Variants in CDC20B observed in about 807,000 individuals in gnomAD.
CDC20B encodes the protein cell division cycle 20B, also known as cell division cycle protein 20 homolog B.
CDC20B carries 58 observed loss-of-function variants against 64.1 expected under a neutral mutation model. The ratio of observed to expected loss-of-function variants is 0.90; its 90% CI spans 0.73 to 1.13. CDC20B has a LOEUF of 1.13. CDC20B is among the 50% of genes most tolerant of loss of function. The pLI is 0.00. For missense variants in CDC20B, 597 were observed against 633.0 expected (o/e 0.94, Z 0.61); for synonymous variants, 243 against 230.6 (o/e 1.05, Z -0.49).
chr5:55,157,847 T>C (rs943093009), intron 2 of CDC20B, among the ~76,000 whole-genome samples: 1 of 152,214 alleles, frequency 6.6e-6, no homozygotes, highest in Non-Finnish European at 1.5e-5. Flanking sequence ...CTGCCAAAGA[T>C]AAATCACTCT....
chr5:55,118,532 C>A (rs979511496), intron 11 of CDC20B, among the ~76,000 whole-genome samples: 5 of 152,142 alleles, frequency 3.3e-5, no homozygotes, highest in Non-Finnish European at 7.4e-5. Context: ...CTATCACATG[C>A]CCCCACCTAG....
intron 2 of CDC20B, among the ~76,000 whole-genome samples, chr5:55,163,379 AT>A (rs1744194662): frequency 6.6e-6 from 1 of 152,048 alleles, no homozygotes; most frequent in African/African-American, 2.4e-5. Context: ...GCTTTTCAAA[AT>A]AAGGTGATTA....
chr5:55,117,984 T>C (rs985654321), intron 11 of CDC20B, among the ~76,000 whole-genome samples: 2 of 151,996 alleles, frequency 1.3e-5, no homozygotes, highest in African/African-American at 4.8e-5. Flanking sequence ...CCAGGCGTGG[T>C]AGTTGGCGCC....
intron 2 of CDC20B, among the ~76,000 whole-genome samples, chr5:55,151,692 A>G (rs890646203): frequency 6.6e-6 from 1 of 152,010 alleles, no homozygotes; most frequent in African/African-American, 2.4e-5. Context: ...TCCACCCCAA[A>G]TGTTTCCCAC....
In CDC20B at chr5:55,133,403, A is replaced by G. The variant is rs763275737; in HGVS notation, c.697+9T>C. Reference sequence around the variant, plus strand: ...CAACTTTTAATTCCCAATCTAAATGATAACTTACAGTAGTCATTTCGAAGA... The same window carrying G: ...CAACTTTTAATTCCCAATCTAAATGGTAACTTACAGTAGTCATTTCGAAGA... On this transcript the variant is annotated intron_variant, in intron 6 of 11. Coordinates refer to ENST00000381375, the MANE Select transcript of CDC20B (RefSeq NM_001170402.1). The G allele has an allele frequency of 6.1e-5, 84 of 1,387,850 alleles. No homozygotes were observed. Among genetic ancestry groups the G allele is most frequent in the Non-Finnish European group, 7.8e-5 (78 of 1,000,972 alleles). 86.0% of individuals were successfully genotyped at this position (1,387,850 alleles called of 1,614,324 possible). A position where few individuals can be genotyped will look rare whatever the true frequency, so the allele number is the denominator to read the frequency against.
intron 5 of CDC20B, among the ~76,000 whole-genome samples, chr5:55,139,632 A>C (rs893301020): frequency 3.3e-5 from 5 of 152,228 alleles, no homozygotes; most frequent in African/African-American, 1.2e-4. Flanking sequence ...CTTGATAGTG[A>C]ATAATAGTTG....
intron 2 of CDC20B, chr5:55,160,200 C>G (rs1743960018): frequency 6.2e-7 from 1 of 1,613,564 alleles, no homozygotes; most frequent in Admixed American, 1.7e-5. Flanking sequence ...AACATGGAGC[C>G]TCTTGCAGCT....
At chr5:55,130,302 G>A (rs1480193764) in intron 6 of CDC20B, among the ~76,000 whole-genome samples, 1 of 152,152 alleles carries the variant, frequency 6.6e-6, no homozygotes, top group Admixed American at 6.5e-5. Context: ...GAGTAAACTT[G>A]AATATAGATA....
chr5:55,118,884 G>C (rs1742687694), intron 11 of CDC20B, among the ~76,000 whole-genome samples: 1 of 152,170 alleles, frequency 6.6e-6, no homozygotes, highest in African/African-American at 2.4e-5. Flanking sequence ...TCTCCAAAGA[G>C]AGTCATGGTA....
At chr5:55,150,828 T>C (rs1323385360) in intron 2 of CDC20B, among the ~76,000 whole-genome samples, 1 of 152,082 alleles carries the variant, frequency 6.6e-6, no homozygotes, top group Non-Finnish European at 1.5e-5. Flanking sequence ...CACCGCAGTC[T>C]CGACCTCCCA....
intron 5 of CDC20B, chr5:55,135,656 T>C (rs190513868): frequency 6.6e-6 from 1 of 152,056 alleles, no homozygotes. Context: ...TAGAAGCTTG[T>C]CCAATCTGCA....
At chr5:55,122,876 A>G (rs1258162142) in intron 9 of CDC20B, among the ~76,000 whole-genome samples, 2 of 152,188 alleles carry the variant, frequency 1.3e-5, no homozygotes, top group East Asian at 1.9e-4. Context: ...TCTGACTGCA[A>G]CCTCATGAGT....
intron 5 of CDC20B, among the ~76,000 whole-genome samples, chr5:55,139,516 G>C (rs1743271481): frequency 6.6e-6 from 1 of 151,978 alleles, no homozygotes; most frequent in Non-Finnish European, 1.5e-5. Flanking sequence ...AGCATTTAGA[G>C]GAAATATTAA....
chr5:55,118,451 C>G, intron 11 of CDC20B, among the ~76,000 whole-genome samples: 1 of 152,126 alleles, frequency 6.6e-6, no homozygotes, highest in Middle Eastern at 3.2e-3. Context: ...TTGTGAGGAC[C>G]AGAGAAACAA....
intron 8 of CDC20B, 95 bp downstream of exon 8, chr5:55,127,162 G>T (rs780727304): frequency 3.6e-5 from 39 of 1,086,142 alleles, no homozygotes; most frequent in East Asian, 7.1e-5. Context: ...TTTTATTTTT[G>T]ATTGGTTTAG....
chr5:55,122,306 G>A (rs1421548327), intron 9 of CDC20B, among the ~76,000 whole-genome samples: 1 of 147,440 alleles, frequency 6.8e-6, no homozygotes, highest in African/African-American at 2.5e-5. Context: ...GTCTCACTCT[G>A]TTGCCGAGGA....
intron 6 of CDC20B, among the ~76,000 whole-genome samples, chr5:55,129,258 C>G (rs763387665): frequency 4.5e-4 from 68 of 152,254 alleles, no homozygotes; most frequent in South Asian, 1.5e-3. Context: ...CCCTACAATA[C>G]ATTCCGTCCC....
intron 5 of CDC20B, among the ~76,000 whole-genome samples, chr5:55,139,937 G>C (rs1215421108): frequency 6.6e-6 from 1 of 152,144 alleles, no homozygotes; most frequent in Non-Finnish European, 1.5e-5. Flanking sequence ...TGAGGCATGA[G>C]AGTCCTTTGA....
chr5:55,128,712 C>A (rs961575224), intron 6 of CDC20B, 95 bp from the exon 7 acceptor site: 2 of 867,026 alleles, frequency 2.3e-6, no homozygotes, highest in East Asian at 3.0e-5. Flanking sequence ...AAGAATAATA[C>A]CATCCCCATG....
Sources: allele counts gnomAD v4.1 joint callset (sites outside exome capture counted in the v4.1 genomes callset), GRCh38; gene constraint gnomAD v4.1.1; transcripts MANE v1.5; gene names NCBI Gene and HGNC (gene_info 2026-07-23, HGNC 2026-07-21).